RAI14: variants seen among roughly 807,000 people sequenced by gnomAD.
RAI14 encodes the protein ankycorbin.
Under a neutral mutation model 115.4 loss-of-function variants are expected in RAI14, and 45 were observed. The ratio of observed to expected loss-of-function variants is 0.39; its 90% CI spans 0.31 to 0.50. RAI14 has a LOEUF of 0.50. Ranked by LOEUF, RAI14 falls within the 20% of genes least tolerant of loss-of-function variation. The probability of loss-of-function intolerance (pLI) is 0.85; values close to 1 mark genes in which losing one functional copy is unlikely to be tolerated. For missense variants in RAI14, 939 were observed against 1,131.2 expected (o/e 0.83, Z 2.44); for synonymous variants, 371 against 415.4 (o/e 0.89, Z 1.30).
At position 34,741,539 on chromosome 5, in the gene RAI14, G is replaced by A. The variant is rs1014341729; in HGVS notation, c.37-15929G>A. On this transcript the variant is annotated intron_variant, in intron 2 of 17. Transcript: ENST00000265109. ...ATAAAAATGGGAGGAAAAAGTACTC[G>A]TAGTTACAATGTAGAAGAGGACAGA... 4.6e-5 allele frequency among the ~76,000 whole-genome samples: 7 copies of A among 152,336 alleles called. No homozygotes were observed. In the East Asian group the frequency reaches 5.8e-4, roughly 13 times the overall value.
Position 34,822,840 on chromosome 5 carries a change from C to T in RAI14, c.1114-116C>T, listed in dbSNP as rs1357323833. 34 of 914,154 alleles carry T rather than the reference C, an allele frequency of 3.7e-5. No homozygotes were observed. In the Admixed American group the frequency reaches 4.1e-4, roughly 11 times the overall value. 56.6% of individuals were successfully genotyped at this position (914,154 alleles called of 1,614,324 possible). A position where few individuals can be genotyped will look rare whatever the true frequency, so the allele number is the denominator to read the frequency against. Reference sequence around the variant, plus strand: ...CTGGGATCACAGGCGCCCGCCACCACGCCCGGCTAATTTTTTGTATTTTTT... The same window carrying T: ...CTGGGATCACAGGCGCCCGCCACCATGCCCGGCTAATTTTTTGTATTTTTT... On this transcript the variant is annotated intron_variant, in intron 14 of 17. Coordinates refer to ENST00000265109, the MANE Select transcript of RAI14 (RefSeq NM_015577.3).
At chr5:34,813,734 C>A in intron 11 of RAI14, 74 bp downstream of exon 11, 1 of 1,260,202 alleles carries the variant, frequency 7.9e-7, no homozygotes, top group Non-Finnish European at 1.1e-6. Context: ...TTGTTTAGGC[C>A]AAAAAGGAAT....
intron 2 of RAI14, among the ~76,000 whole-genome samples, chr5:34,744,757 G>A (rs1293316816): frequency 6.6e-6 from 1 of 152,178 alleles, no homozygotes; most frequent in Non-Finnish European, 1.5e-5. Context: ...TGTGACCGCT[G>A]TAACAAATGA....
intron 3 of RAI14, among the ~76,000 whole-genome samples, chr5:34,786,315 G>T (rs547951591): frequency 6.6e-6 from 1 of 152,174 alleles, no homozygotes; most frequent in Non-Finnish European, 1.5e-5. Flanking sequence ...GAGAGCAGTC[G>T]CTCAAGGTGC....
intron 14 of RAI14, among the ~76,000 whole-genome samples, chr5:34,822,682 T>C (rs1366136657): frequency 2.1e-4 from 20 of 93,358 alleles, no homozygotes; most frequent in Non-Finnish European, 3.8e-4. Context: ...TTTTTTTTTT[T>C]TTTTTTTTTT....
intron 2 of RAI14, among the ~76,000 whole-genome samples, chr5:34,708,359 C>T (rs889356308): frequency 6.6e-6 from 1 of 152,120 alleles, no homozygotes; most frequent in African/African-American, 2.4e-5. Flanking sequence ...TGCGCCACCT[C>T]GCCCGGCTAA....
chr5:34,665,077 A>G (rs868107012), intron 1 of RAI14, among the ~76,000 whole-genome samples: 2 of 52,948 alleles, frequency 3.8e-5, no homozygotes, highest in African/African-American at 6.9e-5. Context: ...GTGTATATAT[A>G]TGTGTATATA....
chr5:34,658,778 C>T (rs1381193375), intron 1 of RAI14, among the ~76,000 whole-genome samples: 1 of 152,012 alleles, frequency 6.6e-6, no homozygotes, highest in Non-Finnish European at 1.5e-5. Flanking sequence ...AACCTGGCGA[C>T]AGAGCAAGAC....
At chr5:34,731,985 A>G (rs1333901148) in intron 2 of RAI14, among the ~76,000 whole-genome samples, 1 of 152,172 alleles carries the variant, frequency 6.6e-6, no homozygotes, top group Admixed American at 6.6e-5. Context: ...AGGAAAGGGA[A>G]TGCCTCGGCC....
At chr5:34,684,394 A>G (rs1204683599) in intron 1 of RAI14, 1 of 152,234 alleles carries the variant, frequency 6.6e-6, no homozygotes, top group African/African-American at 2.4e-5. Context: ...ACTTTGAGAA[A>G]CACTGCCCTG....
chr5:34,709,855 C>T (rs1741173477), intron 2 of RAI14, among the ~76,000 whole-genome samples: 1 of 151,884 alleles, frequency 6.6e-6, no homozygotes, highest in Non-Finnish European at 1.5e-5. Flanking sequence ...ATCTCAGAGG[C>T]ATAAGAATGA....
chr5:34,657,523 A>T (rs1371339532), intron 1 of RAI14, among the ~76,000 whole-genome samples: 1 of 152,150 alleles, frequency 6.6e-6, no homozygotes, highest in South Asian at 2.1e-4. Flanking sequence ...GCTAAGCCCA[A>T]CTTTACTCCC....
intron 5 of RAI14, among the ~76,000 whole-genome samples, chr5:34,805,127 C>T (rs551489707): frequency 6.6e-6 from 1 of 152,300 alleles, no homozygotes; most frequent in African/African-American, 2.4e-5. Flanking sequence ...CATGGTAAGT[C>T]GTAACTTAAT....
intron 1 of RAI14, among the ~76,000 whole-genome samples, chr5:34,665,178 C>CATACATATATATATAT (rs1554037637): frequency 2.8e-4 from 2 of 7,088 alleles, no homozygotes; most frequent in African/African-American, 6.1e-4. Context: ...TATATACACA[C>CATACATATATATATAT]ATATATATAT....
chr5:34,681,381 G>A (rs1744367375), intron 1 of RAI14, among the ~76,000 whole-genome samples: 1 of 152,274 alleles, frequency 6.6e-6, no homozygotes. Flanking sequence ...TAAGTCTGAT[G>A]TCCTTTTTAA....
At chr5:34,779,372 G>A (rs925313036) in intron 3 of RAI14, among the ~76,000 whole-genome samples, 1 of 152,042 alleles carries the variant, frequency 6.6e-6, no homozygotes, top group Non-Finnish European at 1.5e-5. Context: ...GTTCTGGCCA[G>A]GGCAATCAGG....
intron 2 of RAI14, chr5:34,687,612 A>G: frequency 6.6e-7 from 1 of 1,521,878 alleles, no homozygotes; most frequent in Non-Finnish European, 8.8e-7. Context: ...TTAAAAGGTC[A>G]CCCCATAAAC....
At chr5:34,788,265 C>T (rs1333347049) in intron 3 of RAI14, among the ~76,000 whole-genome samples, 2 of 151,974 alleles carry the variant, frequency 1.3e-5, no homozygotes, top group African/African-American at 2.4e-5. Flanking sequence ...GTTGTGGGGA[C>T]CTGTCTTGTG....
At chr5:34,775,198 G>A (rs180875467) in intron 3 of RAI14, among the ~76,000 whole-genome samples, 91 of 152,294 alleles carry the variant, frequency 6.0e-4, no homozygotes, top group African/African-American at 2.2e-3. Context: ...AGGGCGTTGG[G>A]TTGGGCAAAG....
Sources: gnomAD v4.1 joint callset for allele counts (sites outside exome capture counted in the v4.1 genomes callset) on GRCh38, gnomAD v4.1.1 for gene constraint, MANE v1.5 for transcripts, NCBI Gene and HGNC (gene_info 2026-07-23, HGNC 2026-07-21) for gene names.